The following DCUN1D5 variants were observed in gnomAD, a reference collection of about 807,000 sequenced individuals.
DCUN1D5 encodes DCN1-like protein 5.
A neutral mutation model predicts 38.3 loss-of-function variants in DCUN1D5; 10 were observed. The ratio of observed to expected loss-of-function variants is 0.26; its 90% confidence interval spans 0.16 to 0.44. DCUN1D5 has a LOEUF of 0.44. DCUN1D5 is among the 20% of genes least tolerant of loss of function. The pLI is 1.00. For synonymous variants in DCUN1D5, 93 were observed against 90.9 expected (o/e 1.02, Z -0.13); for missense variants, 148 against 275.3 (o/e 0.54, Z 3.27).
Position 103,060,219 on chromosome 11 carries a change from AG to A in DCUN1D5, c.*2139del, listed in dbSNP as rs1861979149. On this transcript the variant is annotated 3_prime_UTR_variant, in exon 8 of 8. Coordinates refer to ENST00000260247, the MANE Select transcript of DCUN1D5 (RefSeq NM_032299.4). ...AATAGAGTAAAGCAAGCGTGGCCTC[AG>A]TGGTACTGGACTCCAAAGTATGGCT... is the stretch of plus-strand genomic sequence containing the variant. Among the ~76,000 whole-genome samples the A allele has an allele frequency of 6.6e-6, 1 of 152,200 alleles. No homozygotes were observed. The highest frequency in any genetic ancestry group is 2.4e-5 in the African/African-American group (1 of 41,466).
intron 2 of DCUN1D5, among the ~76,000 whole-genome samples, chr11:103,084,379 A>T (rs1862644831): frequency 6.6e-6 from 1 of 152,224 alleles, no homozygotes; most frequent in South Asian, 2.1e-4. Context: ...AAGTCAATAC[A>T]TTCTTGCTGC....
At chr11:103,084,323 TC>T (rs1862643221) in intron 2 of DCUN1D5, among the ~76,000 whole-genome samples, 1 of 152,190 alleles carries the variant, frequency 6.6e-6, no homozygotes, top group Admixed American at 6.5e-5. Context: ...CCAAGGCTGC[TC>T]AGGTAAATTT....
rs530072249 is a variant in DCUN1D5 at position 103,077,610 on chromosome 11, G to T, written c.341+5138C>A. ...AATTTCCTGGTATTGCTAAGCAACT[G>T]ATTACAAAGGGAGGCTTTTGAACTT... On this transcript the variant is annotated intron_variant, in intron 4 of 7. Transcript: ENST00000260247. The surrounding 1 kb of genome is among the most constrained non-coding windows in gnomAD (Gnocchi z 4.3). 2.0e-5 allele frequency among the ~76,000 whole-genome samples: 3 copies of T among 152,190 alleles called. No individual in the cohort carries two copies. Among genetic ancestry groups the T allele is most frequent in the African/African-American group, 4.8e-5 (2 of 41,444 alleles).
At chr11:103,074,496 C>A (rs1328216430) in intron 4 of DCUN1D5, among the ~76,000 whole-genome samples, 1 of 152,202 alleles carries the variant, frequency 6.6e-6, no homozygotes, top group Non-Finnish European at 1.5e-5. Flanking sequence ...ACCTCCACCT[C>A]CCCGGTTCAA....
chr11:103,090,783 G>A (rs1862840779), intron 1 of DCUN1D5, among the ~76,000 whole-genome samples: 1 of 152,092 alleles, frequency 6.6e-6, no homozygotes, highest in Non-Finnish European at 1.5e-5. Context: ...GTGGTGGCGG[G>A]CGCCTATAAT....
At chr11:103,069,680 A>C (rs1259748564) in intron 4 of DCUN1D5, among the ~76,000 whole-genome samples, 3 of 152,220 alleles carry the variant, frequency 2.0e-5, no homozygotes, top group African/African-American at 7.2e-5. Flanking sequence ...ACAAGAAAGC[A>C]TCAGTAAAAG....
Position 103,064,445 on chromosome 11 carries a change from C to T in DCUN1D5, c.556-68G>A. ...AACATCATTTACTCAATTTAGTAAA[C>T]TAAGTTTTAACTGTTTTTGTGATTT... On this transcript the variant is annotated intron_variant, in intron 6 of 7. Transcript: ENST00000260247. This position sits in a 1 kb window ranked among gnomAD's most constrained non-coding sequence, Gnocchi z 4.5. 1 of 1,228,554 alleles carries T rather than the reference C, an allele frequency of 8.1e-7. No homozygotes were observed. Among genetic ancestry groups the T allele is most frequent in the Non-Finnish European group, 1.1e-6 (1 of 895,996 alleles). The allele number at this position is 1,228,554 out of a possible 1,614,324, so 76.1% of individuals were successfully genotyped here.
At chr11:103,090,159 G>A (rs1339704863) in intron 1 of DCUN1D5, among the ~76,000 whole-genome samples, 5 of 152,100 alleles carry the variant, frequency 3.3e-5, no homozygotes, top group Non-Finnish European at 7.4e-5. Flanking sequence ...AGTATCACCT[G>A]AGTTCTAATA....
Position 103,065,045 on chromosome 11 carries a change from C to G in DCUN1D5, c.556-668G>C, listed in dbSNP as rs116480188. Among the ~76,000 whole-genome samples the G allele has an allele frequency of 2.8e-3, 427 of 152,136 alleles. 2 individuals are homozygous for G. The highest frequency in any genetic ancestry group is 9.4e-3 in the African/African-American group (392 of 41,508). On this transcript the variant is annotated intron_variant, in intron 6 of 7. Coordinates refer to ENST00000260247, the MANE Select transcript of DCUN1D5 (RefSeq NM_032299.4). The surrounding 1 kb of genome is among the most constrained non-coding windows in gnomAD (Gnocchi z 4.6). ...CAGTTAAATTTATTTTTGCCCAAAA[C>G]TACTAATAGGAAGAAAATAGATACC... is the stretch of plus-strand genomic sequence containing the variant.
chr11:103,071,525 A>G lies in DCUN1D5; in HGVS notation c.342-4958T>C, dbSNP rs1030959564. ...TATATACTCTATATCTATATGATCT[A>G]TAATCTATATATAGATATTTTATAT... On this transcript the variant is annotated intron_variant, in intron 4 of 7. Transcript: ENST00000260247. The surrounding 1 kb of genome is among the most constrained non-coding windows in gnomAD (Gnocchi z 4.1). 6.7e-5 allele frequency among the ~76,000 whole-genome samples: 10 copies of G among 149,806 alleles called. No homozygotes were observed. The highest frequency in any genetic ancestry group is 8.9e-5 in the Non-Finnish European group (6 of 67,498).
At position 103,055,312 on chromosome 11, in the gene DCUN1D5, T is replaced by A. The variant is rs1405670656; in HGVS notation, c.*7047A>T. 1 of 152,136 alleles carries A rather than the reference T, an allele frequency of 6.6e-6. No homozygotes were observed. The highest frequency in any genetic ancestry group is 2.4e-5 in the African/African-American group (1 of 41,440). The allele number at this position is 152,136 out of a possible 1,614,324, so 9.4% of individuals were successfully genotyped here. On this transcript the variant is annotated 3_prime_UTR_variant, in exon 8 of 8. Transcript: ENST00000260247. ...ATGTTCAACCTGCGCTGTTTGGCTA[T>A]ATTAATTCATGTAGAACTCTTCACA... is the stretch of plus-strand genomic sequence containing the variant.
chr11:103,070,802 A>C (rs539524883), intron 4 of DCUN1D5, among the ~76,000 whole-genome samples: 17 of 152,296 alleles, frequency 1.1e-4, no homozygotes, highest in African/African-American at 3.8e-4. Flanking sequence ...AACATAAAAC[A>C]AGACAGACCA....
At position 103,091,585 on chromosome 11, in the gene DCUN1D5, TA is replaced by T; in HGVS notation, c.86+201del. The T allele has an allele frequency of 1.2e-6, 1 of 861,624 alleles. No homozygotes were observed. The highest frequency in any genetic ancestry group is 1.8e-6 in the Non-Finnish European group (1 of 557,942). The allele number at this position is 861,624 out of a possible 1,614,324, so 53.4% of individuals were successfully genotyped here. A position where few individuals can be genotyped will look rare whatever the true frequency, so the allele number is the denominator to read the frequency against. On this transcript the variant is annotated intron_variant, in intron 1 of 7. Coordinates refer to ENST00000260247, the MANE Select transcript of DCUN1D5 (RefSeq NM_032299.4). This position sits in a 1 kb window ranked among gnomAD's most constrained non-coding sequence, Gnocchi z 4.3. ...GTGGGCGGCTCTTCTAGTCTCTCCATAAACGCCAGCGTGCACACACTCGAAC... is the reference window on the plus strand; with the variant it reads ...GTGGGCGGCTCTTCTAGTCTCTCCATAACGCCAGCGTGCACACACTCGAAC...
intron 4 of DCUN1D5, among the ~76,000 whole-genome samples, chr11:103,074,451 C>T (rs1215730742): frequency 6.6e-6 from 1 of 152,160 alleles, no homozygotes; most frequent in African/African-American, 2.4e-5. Flanking sequence ...GCTCTGTCCC[C>T]AGGCTGGAGT....
In DCUN1D5 at chr11:103,091,039, A is replaced by G. The variant is rs1488419507; in HGVS notation, c.86+748T>C. ...ACAAGGGGATCAAAGAGCTACTACT[A>G]TATAGTTCTGCCTTGTCTTCTTTCT... On this transcript the variant is annotated intron_variant, in intron 1 of 7. Coordinates refer to ENST00000260247, the MANE Select transcript of DCUN1D5 (RefSeq NM_032299.4). This position sits in a 1 kb window ranked among gnomAD's most constrained non-coding sequence, Gnocchi z 4.3. 6.6e-6 allele frequency among the ~76,000 whole-genome samples: 1 copy of G among 152,242 alleles called. No individual in the cohort carries two copies. The highest frequency in any genetic ancestry group is 2.4e-5 in the African/African-American group (1 of 41,478).
In DCUN1D5 at chr11:103,055,613, T is replaced by A. The variant is rs1861854812; in HGVS notation, c.*6746A>T. ...ACTATAGAAAGTAATGGTTTGTATA[T>A]GTGTGGTAGAAAATGTTAACATTTT... On this transcript the variant is annotated 3_prime_UTR_variant, in exon 8 of 8. Transcript: ENST00000260247. The A allele has an allele frequency of 7.0e-6, 1 of 142,620 alleles. No individual in the cohort carries two copies. Among genetic ancestry groups the A allele is most frequent in the Non-Finnish European group, 1.5e-5 (1 of 67,966 alleles). The allele number at this position is 142,620 out of a possible 1,614,324, so 8.8% of individuals were successfully genotyped here.
rs1861924776 is a variant in DCUN1D5 at position 103,058,231 on chromosome 11, G to C, written c.*4128C>G. The stretch of plus-strand genomic sequence containing the variant: ...TCTAATACATGACACAGCATACACA[G>C]CAAAATGTTTCATCGATCCTAAAAA... On this transcript the variant is annotated 3_prime_UTR_variant, in exon 8 of 8. Coordinates refer to ENST00000260247, the MANE Select transcript of DCUN1D5 (RefSeq NM_032299.4). Among the ~76,000 whole-genome samples the C allele has an allele frequency of 6.6e-6, 1 of 152,074 alleles. No individual in the cohort carries two copies. Among genetic ancestry groups the C allele is most frequent in the Non-Finnish European group, 1.5e-5 (1 of 67,990 alleles).
At chr11:103,079,782 CAAA>C (rs199623565) in intron 4 of DCUN1D5, 20 of 119,978 alleles carry the variant, frequency 1.7e-4, no homozygotes, top group East Asian at 2.6e-4. Context: ...GACCCTGTCT[CAAA>C]AAAAAAAAAA....
intron 2 of DCUN1D5, among the ~76,000 whole-genome samples, chr11:103,088,684 CTATT>C (rs1862776055): frequency 6.6e-6 from 1 of 152,140 alleles, no homozygotes; most frequent in Admixed American, 6.5e-5. Context: ...TAATATCAGT[CTATT>C]TATTTTCTTA....
Sources: allele counts gnomAD v4.1 joint callset (sites outside exome capture counted in the v4.1 genomes callset), GRCh38; gene constraint gnomAD v4.1.1; non-coding constraint Gnocchi (gnomAD v3.1); transcripts MANE v1.5; gene names NCBI Gene and HGNC (gene_info 2026-07-23, HGNC 2026-07-21).